CD180: variants seen among roughly 807,000 people sequenced by gnomAD.
CD180 encodes the protein CD180 antigen.
Under a neutral mutation model 10.7 loss-of-function variants are expected in CD180, and 11 were observed. The ratio of observed to expected loss-of-function variants is 1.03; its 90% confidence interval spans 0.65 to 1.70. The LOEUF (loss-of-function observed/expected upper bound fraction) is 1.70. Among genes scored for constraint, CD180 ranks in the 40% most tolerant of loss-of-function variants. The pLI is 0.00. For missense variants in CD180, 729 were observed against 775.2 expected, an observed-to-expected ratio of 0.94 and a Z score of 0.71; for synonymous variants, 286 against 294.6, an observed-to-expected ratio of 0.97 and a Z score of 0.30.
In CD180 at chr5:67,182,943, A is replaced by G; in HGVS notation, c.1900T>C (p.Phe634Leu). 1 of 1,614,148 alleles carries G rather than the reference A, an allele frequency of 6.2e-7. No homozygotes were observed. The highest frequency in any genetic ancestry group is 2.2e-5 in the East Asian group (1 of 44,884). The part of the protein sequence containing the change: ...SCGITAIGIF[F>L]LIVFLLLLAI... Reference sequence around the variant, plus strand: ...AACAATAATAGAAATACTATGAGAAAGAAAATGCCTATGGCTGTAATCCCA... The same window carrying G: ...AACAATAATAGAAATACTATGAGAAGGAAAATGCCTATGGCTGTAATCCCA... Residue 634 changes from phenylalanine to leucine, a missense_variant, in exon 3 of 3, where the codon TTT becomes CTT. Physicochemically the swap from Phe to Leu is conservative, Grantham distance 22. Coordinates refer to ENST00000256447, the MANE Select transcript of CD180 (RefSeq NM_005582.3).
At chr5:67,196,273 A>C (rs536669359) in intron 1 of CD180, among the ~76,000 whole-genome samples, 1 of 152,328 alleles carries the variant, frequency 6.6e-6, no homozygotes, top group Non-Finnish European at 1.5e-5. Flanking sequence ...TTGTGCACAC[A>C]GACCCTATTA....
rs1167593951 is a variant in CD180 at position 67,179,929 on chromosome 5, A to C, written c.*2928T>G. 6.6e-6 allele frequency: 1 copy of C among 152,244 alleles called. No individual in the cohort carries two copies. Among genetic ancestry groups the C allele is most frequent in the African/African-American group, 2.4e-5 (1 of 41,468 alleles). 9.4% of individuals were successfully genotyped at this position (152,244 alleles called of 1,614,324 possible). Reference sequence around the variant, plus strand: ...GAGCTACATCGTGCAATAATAACACATTTTTATAGGAGTAGCTTGTCAGAG... The same window carrying C: ...GAGCTACATCGTGCAATAATAACACCTTTTTATAGGAGTAGCTTGTCAGAG... On this transcript the variant is annotated 3_prime_UTR_variant, in exon 3 of 3. Coordinates refer to ENST00000256447, the MANE Select transcript of CD180 (RefSeq NM_005582.3).
At position 67,184,290 on chromosome 5, in the gene CD180, T is replaced by C. The variant is rs1742134877; in HGVS notation, c.553A>G (p.Ile185Val). 1 of 1,614,184 alleles carries C rather than the reference T, an allele frequency of 6.2e-7. No individual in the cohort carries two copies. Among genetic ancestry groups the C allele is most frequent in the Non-Finnish European group, 8.5e-7 (1 of 1,180,010 alleles). Reference sequence around the variant, plus strand: ...ATGTCTTCTCTAGAGATGTAGTGTATAGCATTATTCTGAAAATCCAGTACT... The same window carrying C: ...ATGTCTTCTCTAGAGATGTAGTGTACAGCATTATTCTGAAAATCCAGTACT... Reference protein sequence around the residue: ...LKVLDFQNNAIHYISREDMRS... With the variant: ...LKVLDFQNNAVHYISREDMRS... Residue 185 changes from isoleucine (I) to valine (V), a missense_variant, in exon 3 of 3, where the codon ATA becomes GTA. Transcript: ENST00000256447.
chr5:67,181,701 G>A lies in CD180; in HGVS notation c.*1156C>T, dbSNP rs1242130722. The A allele has an allele frequency of 6.6e-6, 1 of 152,280 alleles. No homozygotes were observed. The highest frequency in any genetic ancestry group is 1.5e-5 in the Non-Finnish European group (1 of 68,108). The allele number at this position is 152,280 out of a possible 1,614,324, so 9.4% of individuals were successfully genotyped here. On this transcript the variant is annotated 3_prime_UTR_variant, in exon 3 of 3. Coordinates refer to ENST00000256447, the MANE Select transcript of CD180 (RefSeq NM_005582.3). ...AGCTTGTCTGGCAATCAAGACTTCA[G>A]AAGATACAGGCCTGTGTGAGTATGG...
intron 1 of CD180, among the ~76,000 whole-genome samples, chr5:67,187,761 C>G (rs948881971): frequency 6.6e-6 from 1 of 152,082 alleles, no homozygotes; most frequent in Non-Finnish European, 1.5e-5. Flanking sequence ...AATATGTCCT[C>G]CAAAGTTCAT....
In CD180 at chr5:67,180,783, G is replaced by C. The variant is rs11740538; in HGVS notation, c.*2074C>G. On this transcript the variant is annotated 3_prime_UTR_variant, in exon 3 of 3. Transcript: ENST00000256447. ...GGAGGCCGAGGCGGGCAGATCACTT[G>C]AGGTCAGGAGTTCAAGACCAGCCTG... The C allele has an allele frequency of 5.3e-5, 8 of 151,872 alleles. No individual in the cohort carries two copies. The highest frequency in any genetic ancestry group is 1.7e-4 in the African/African-American group (7 of 41,354). 9.4% of individuals were successfully genotyped at this position (151,872 alleles called of 1,614,324 possible).
chr5:67,182,551 C>T lies in CD180; in HGVS notation c.*306G>A, dbSNP rs1007894238. ...GGAATGGCCTCCCTGTGGGAGACTC[C>T]GGGGCCGGCAGTCCCTGCCCAGTCC... On this transcript the variant is annotated 3_prime_UTR_variant, in exon 3 of 3. Transcript: ENST00000256447. 2.3e-5 allele frequency: 5 copies of T among 214,828 alleles called. No individual in the cohort carries two copies. The highest frequency in any genetic ancestry group is 1.1e-4 in the East Asian group (1 of 9,062). 13.3% of individuals were successfully genotyped at this position (214,828 alleles called of 1,614,324 possible).
At chr5:67,184,630 T>TA (rs1299836957) in intron 2 of CD180, 45 bp from the exon 3 acceptor site, 5 of 1,485,534 alleles carry the variant, frequency 3.4e-6, no homozygotes, top group South Asian at 2.5e-5. Context: ...TTGAAAAAAG[T>TA]AAAAAAATAC....
intron 1 of CD180, among the ~76,000 whole-genome samples, chr5:67,194,461 A>T (rs2151169375): frequency 6.6e-6 from 1 of 152,180 alleles, no homozygotes; most frequent in Middle Eastern, 3.4e-3. Context: ...CCAGAGGTGG[A>T]CTCAGAACTA....
In CD180 at chr5:67,183,181, G is replaced by A. The variant is rs1742093620; in HGVS notation, c.1662C>T (p.Ser554=). The change falls in exon 3 of 3, where the codon AGC becomes AGT. Residue 554 remains serine, a synonymous_variant. Transcript: ENST00000256447. ...KGIYLNLAAN[S]INIISPRLLP... The stretch of plus-strand genomic sequence containing the variant: ...GGAGACGGGGTGAGATGATGTTAAT[G>A]CTGTTGGCAGCCAGATTGAGGTAGA... The A allele has an allele frequency of 6.2e-7, 1 of 1,611,634 alleles. No individual in the cohort carries two copies. The highest frequency in any genetic ancestry group is 1.7e-5 in the Admixed American group (1 of 59,912).
intron 1 of CD180, among the ~76,000 whole-genome samples, chr5:67,194,184 T>A (rs1250758103): frequency 6.6e-6 from 1 of 152,192 alleles, no homozygotes; most frequent in Non-Finnish European, 1.5e-5. Context: ...GCAAGGATGG[T>A]AATAGCCCTT....
At position 67,182,886 on chromosome 5, in the gene CD180, G is replaced by A; in HGVS notation, c.1957C>T (p.Leu653Phe). 1 of 1,609,668 alleles carries A rather than the reference G, an allele frequency of 6.2e-7. No homozygotes were observed. The highest frequency in any genetic ancestry group is 8.5e-7 in the Non-Finnish European group (1 of 1,177,620). The change falls in exon 3 of 3, where the codon CTT becomes TTT. Residue 653 changes from leucine (L) to phenylalanine (F), a missense_variant. Leu to Phe is a conservative substitution (Grantham distance 22). Coordinates refer to ENST00000256447, the MANE Select transcript of CD180 (RefSeq NM_005582.3). Reference sequence around the variant, plus strand: ...ATGTGTTGGTATTTCCACCTGAGAAGGTATTTAACTGCAAAAAATAGCAGA... The same window carrying A: ...ATGTGTTGGTATTTCCACCTGAGAAAGTATTTAACTGCAAAAAATAGCAGA... ...AILLFFAVKY[L>F]LRWKYQHI
chr5:67,184,263 T>C lies in CD180; in HGVS notation c.580A>G (p.Arg194Gly). 2 of 1,613,978 alleles carry C rather than the reference T, an allele frequency of 1.2e-6. No individual in the cohort carries two copies. Among genetic ancestry groups the C allele is most frequent in the Non-Finnish European group, 1.7e-6 (2 of 1,179,824 alleles). The change falls in exon 3 of 3, where the codon AGG (arginine) becomes GGG (glycine). Residue 194 changes from arginine (R) to glycine (G), a missense_variant. Arg to Gly is a moderately radical substitution (Grantham distance 125). Coordinates refer to ENST00000256447, the MANE Select transcript of CD180 (RefSeq NM_005582.3). ...AGGTTGATGGCCTGCTCCAGAGACC[T>C]CATGTCTTCTCTAGAGATGTAGTGT... The part of the protein sequence containing the change: ...AIHYISREDM[R>G]SLEQAINLSL...
intron 2 of CD180, 74 bp downstream of exon 2, chr5:67,185,777 G>T: frequency 2.5e-6 from 3 of 1,198,066 alleles, no homozygotes; most frequent in Non-Finnish European, 3.4e-6. Context: ...AAAAGGTCCT[G>T]CAAATAAATT....
In CD180 at chr5:67,183,136, C is replaced by T. The variant is rs749745838; in HGVS notation, c.1707G>A (p.Gln569=). The T allele has an allele frequency of 6.2e-6, 10 of 1,610,640 alleles. No individual in the cohort carries two copies. In the East Asian group the frequency reaches 2.0e-4, roughly 32 times the overall value. Residue 569 remains glutamine, a synonymous_variant, in exon 3 of 3, where the codon CAG becomes CAA. Transcript: ENST00000256447. ...GGTTATGACTTAAATTAATGGTGCTCTGCTGGGACAAGATAGGGAGGAGAC... is the reference window on the plus strand; with the variant it reads ...GGTTATGACTTAAATTAATGGTGCTTTGCTGGGACAAGATAGGGAGGAGAC... ...SPRLLPILSQ[Q]STINLSHNPL... is the part of the protein sequence containing the mutation.
At chr5:67,189,562 A>C (rs5744495) in intron 1 of CD180, among the ~76,000 whole-genome samples, 1 of 152,184 alleles carries the variant, frequency 6.6e-6, no homozygotes, top group African/African-American at 2.4e-5. Flanking sequence ...AACACAGCTG[A>C]TAAGAGAATT....
intron 2 of CD180, 79 bp downstream of exon 2, chr5:67,185,772 G>C: frequency 9.0e-7 from 1 of 1,111,856 alleles, no homozygotes; most frequent in Non-Finnish European, 1.2e-6. Context: ...CCCCAAAAAG[G>C]TCCTGCAAAT....
chr5:67,186,685 G>T (rs1183546674), intron 1 of CD180, among the ~76,000 whole-genome samples: 1 of 152,120 alleles, frequency 6.6e-6, no homozygotes, highest in Admixed American at 6.5e-5. Flanking sequence ...ACATACTTTC[G>T]TATGTGAGAC....
chr5:67,183,687 C>G lies in CD180; in HGVS notation c.1156G>C (p.Asp386His), dbSNP rs1207492161. 6.2e-7 allele frequency: 1 copy of G among 1,614,092 alleles called. No individual in the cohort carries two copies. Among genetic ancestry groups the G allele is most frequent in the Non-Finnish European group, 8.5e-7 (1 of 1,180,020 alleles). The change falls in exon 3 of 3, where the codon GAC (aspartate) becomes CAC (histidine). Residue 386 changes from aspartate (D) to histidine (H), a missense_variant. Physicochemically the swap from Asp to His is moderately conservative, Grantham distance 81 (BLOSUM62 -1). Transcript: ENST00000256447. ...DLSHNDIEAS[D>H]CCSLQLKNLS... Reference sequence around the variant, plus strand: ...TTTTTGAGTTGCAGACTGCAGCAGTCAGAAGCCTCTATGTCATTATGGCTT... The same window carrying G: ...TTTTTGAGTTGCAGACTGCAGCAGTGAGAAGCCTCTATGTCATTATGGCTT...
Sources: gnomAD v4.1 joint callset for allele counts (sites outside exome capture counted in the v4.1 genomes callset) on GRCh38, gnomAD v4.1.1 for gene constraint, MANE v1.5 for transcripts, NCBI Gene and HGNC (gene_info 2026-07-23, HGNC 2026-07-21) for gene names.